The following GALNTL6 variants were observed in gnomAD, a reference collection of about 807,000 sequenced individuals.
GALNTL6 encodes polypeptide N-acetylgalactosaminyltransferase-like 6.
GALNTL6 carries 46 observed loss-of-function variants against 73.7 expected under a neutral mutation model. The ratio of observed to expected loss-of-function variants is 0.62; its 90% CI spans 0.49 to 0.80. The LOEUF is 0.80. GALNTL6 is among the 30% of genes least tolerant of loss of function. The probability of loss-of-function intolerance (pLI) is 0.00; values close to 1 mark genes in which losing one functional copy is unlikely to be tolerated. For synonymous variants in GALNTL6, 259 were observed against 263.7 expected (o/e 0.98, Z 0.17); for missense variants, 604 against 755.0 (o/e 0.80, Z 2.34).
intron 5 of GALNTL6, among the ~76,000 whole-genome samples, chr4:172,394,356 G>T (rs1743770238): frequency 6.6e-6 from 1 of 150,392 alleles, no homozygotes; most frequent in Non-Finnish European, 1.5e-5. Context: ...TAACACATGT[G>T]TTCCCAACTT....
intron 3 of GALNTL6, among the ~76,000 whole-genome samples, chr4:172,230,629 A>G (rs1487979252): frequency 6.6e-6 from 1 of 152,098 alleles, no homozygotes; most frequent in Non-Finnish European, 1.5e-5. Flanking sequence ...GGACTGAAAA[A>G]TTAGGTTGTT....
chr4:172,257,927 C>G (rs888409807), intron 3 of GALNTL6, among the ~76,000 whole-genome samples: 4 of 151,110 alleles, frequency 2.6e-5, no homozygotes, highest in Non-Finnish European at 4.5e-5. Context: ...ATGCTGTATC[C>G]ATTCATATAT....
chr4:172,577,978 A>G (rs945749933), intron 5 of GALNTL6, among the ~76,000 whole-genome samples: 3 of 152,186 alleles, frequency 2.0e-5, no homozygotes, highest in Non-Finnish European at 4.4e-5. Context: ...TAGACTGGGG[A>G]TAATGATGAC....
chr4:172,777,832 A>G (rs2110886545), intron 5 of GALNTL6, among the ~76,000 whole-genome samples: 1 of 152,312 alleles, frequency 6.6e-6, no homozygotes, highest in South Asian at 2.1e-4. Context: ...CGTAATTACA[A>G]CATTCAGGCA....
intron 2 of GALNTL6, among the ~76,000 whole-genome samples, chr4:171,974,216 T>C (rs1739651983): frequency 6.6e-6 from 1 of 152,088 alleles, no homozygotes; most frequent in East Asian, 1.9e-4. Flanking sequence ...GTTTTTGATG[T>C]CTATGAAGTT....
chr4:171,925,265 C>A (rs1366614049), intron 2 of GALNTL6, among the ~76,000 whole-genome samples: 1 of 152,066 alleles, frequency 6.6e-6, no homozygotes, highest in Non-Finnish European at 1.5e-5. Context: ...GTCGCAGTGC[C>A]TGAGATATGC....
chr4:172,476,533 C>G (rs758909397), intron 5 of GALNTL6, among the ~76,000 whole-genome samples: 7 of 152,224 alleles, frequency 4.6e-5, no homozygotes, highest in Non-Finnish European at 1.0e-4. Context: ...CCAACTTCCA[C>G]TGTTATACCT....
intron 5 of GALNTL6, among the ~76,000 whole-genome samples, chr4:172,755,135 A>T (rs766475176): frequency 6.6e-6 from 1 of 152,132 alleles, no homozygotes; most frequent in African/African-American, 2.4e-5. Context: ...TGCAGATTCT[A>T]CTACATCATT....
intron 2 of GALNTL6, among the ~76,000 whole-genome samples, chr4:172,206,058 A>G (rs1736100763): frequency 6.6e-6 from 1 of 152,164 alleles, no homozygotes; most frequent in African/African-American, 2.4e-5. Context: ...ATATAAATAT[A>G]TATATGTTTA....
At chr4:171,830,078 A>T (rs781694537) in intron 2 of GALNTL6, among the ~76,000 whole-genome samples, 3 of 152,066 alleles carry the variant, frequency 2.0e-5, no homozygotes, top group Non-Finnish European at 4.4e-5. Flanking sequence ...GGTAAGTCAG[A>T]TAGATACCAA....
chr4:172,338,029 C>T (rs969275890), intron 4 of GALNTL6, among the ~76,000 whole-genome samples: 9 of 152,016 alleles, frequency 5.9e-5, no homozygotes, highest in Non-Finnish European at 1.3e-4. Flanking sequence ...GATCTTTGAG[C>T]TCTAAAATTC....
At chr4:172,401,804 C>T (rs1488811400) in intron 5 of GALNTL6, among the ~76,000 whole-genome samples, 1 of 151,594 alleles carries the variant, frequency 6.6e-6, no homozygotes, top group Non-Finnish European at 1.5e-5. Context: ...TAACAGACAC[C>T]TCAAGTTTTT....
At chr4:172,406,170 T>G (rs1343471331) in intron 5 of GALNTL6, among the ~76,000 whole-genome samples, 1 of 151,968 alleles carries the variant, frequency 6.6e-6, no homozygotes, top group African/African-American at 2.4e-5. Flanking sequence ...TTTATCTGTC[T>G]CTGTTTATTT....
At chr4:172,448,272 C>T (rs965295514) in intron 5 of GALNTL6, among the ~76,000 whole-genome samples, 2 of 152,150 alleles carry the variant, frequency 1.3e-5, no homozygotes, top group African/African-American at 4.8e-5. Context: ...CAGCCTAGAT[C>T]TTACTTCTGT....
intron 2 of GALNTL6, among the ~76,000 whole-genome samples, chr4:171,892,273 T>C (rs983738476): frequency 6.6e-6 from 1 of 152,212 alleles, no homozygotes; most frequent in African/African-American, 2.4e-5. Flanking sequence ...TCAGCCTGTG[T>C]ATGTGGTGGT....
chr4:171,985,813 G>T (rs1205777687), intron 2 of GALNTL6, among the ~76,000 whole-genome samples: 4 of 151,622 alleles, frequency 2.6e-5, no homozygotes, highest in African/African-American at 9.7e-5. Context: ...GCCGAGGTGG[G>T]TGGATCACAA....
intron 5 of GALNTL6, among the ~76,000 whole-genome samples, chr4:172,553,924 C>T (rs1199947104): frequency 6.6e-6 from 1 of 151,996 alleles, no homozygotes; most frequent in Non-Finnish European, 1.5e-5. Context: ...GTGGCATGCA[C>T]CTGTATGTAG....
At chr4:172,407,473 G>T (rs184026948) in intron 5 of GALNTL6, among the ~76,000 whole-genome samples, 129 of 152,198 alleles carry the variant, frequency 8.5e-4, no homozygotes, top group African/African-American at 3.1e-3. Context: ...ATGTGCAAAT[G>T]TAGCATTTCT....
intron 5 of GALNTL6, among the ~76,000 whole-genome samples, chr4:172,470,591 T>A (rs1733008454): frequency 6.6e-6 from 1 of 152,178 alleles, no homozygotes; most frequent in East Asian, 1.9e-4. Context: ...TAATTTTCAA[T>A]AAGTAGCACA....
Sources: allele counts gnomAD v4.1 joint callset (sites outside exome capture counted in the v4.1 genomes callset), GRCh38; gene constraint gnomAD v4.1.1; transcripts MANE v1.5; gene names NCBI Gene and HGNC (gene_info 2026-07-23, HGNC 2026-07-21).